The following SLC6A12 variants were observed in gnomAD, a reference collection of about 807,000 sequenced individuals.
SLC6A12 encodes the protein solute carrier family 6 member 12.
In SLC6A12, 50 loss-of-function variants were observed where a neutral mutation model predicts 73.3. The ratio of observed to expected loss-of-function variants is 0.68; its 90% CI spans 0.54 to 0.86. The LOEUF (loss-of-function observed/expected upper bound fraction) is 0.86, where lower values mean the gene tolerates loss of function less well. Ranked by LOEUF, SLC6A12 falls within the 40% of genes least tolerant of loss-of-function variation. The pLI is 0.00. For synonymous variants in SLC6A12, 304 were observed against 309.2 expected, an observed-to-expected ratio of 0.98 and a Z score of 0.18; for missense variants, 648 against 772.8, an observed-to-expected ratio of 0.84 and a Z score of 1.92.
chr12:201,043 T>C (rs562639358), intron 6 of SLC6A12, among the ~76,000 whole-genome samples: 2 of 152,360 alleles, frequency 1.3e-5, no homozygotes, highest in Admixed American at 1.3e-4. Flanking sequence ...AGATGAGGAA[T>C]GTATAAATGA....
chr12:187,211 A>G (rs984470099), downstream of SLC6A12, among the ~76,000 whole-genome samples: 1 of 152,150 alleles, frequency 6.6e-6, no homozygotes, highest in African/African-American at 2.4e-5. Context: ...AAAGGAAACG[A>G]GATGAAAGTG....
At position 201,863 on chromosome 12, in the gene SLC6A12, G is replaced by A; in HGVS notation, c.491-14C>T. 6.2e-7 allele frequency: 1 copy of A among 1,610,046 alleles called. No individual in the cohort carries two copies. The highest frequency in any genetic ancestry group is 8.5e-7 in the Non-Finnish European group (1 of 1,176,330). On this transcript the variant is annotated splice_polypyrimidine_tract_variant and intron_variant, in intron 5 of 15. Coordinates refer to ENST00000684302, the MANE Select transcript of SLC6A12 (RefSeq NM_001122848.3). ...CCGTGCAATGCTCTGTTGGGGACAAGGTTAGGGACAAGATGGAGAGAGATG... is the reference window on the plus strand; with the variant it reads ...CCGTGCAATGCTCTGTTGGGGACAAAGTTAGGGACAAGATGGAGAGAGATG...
intron 12 of SLC6A12, 133 bp from the exon 13 acceptor site, chr12:195,460 A>G (rs775254882): frequency 4.6e-6 from 3 of 656,864 alleles, no homozygotes; most frequent in Non-Finnish European, 8.3e-6. Context: ...TTGCATCTCA[A>G]AGGAGTTTGC....
intron 3 of SLC6A12, chr12:204,966 T>C: frequency 2.5e-6 from 1 of 403,980 alleles, no homozygotes; most frequent in East Asian, 4.0e-5. Flanking sequence ...TTCTAATATA[T>C]GCACTATTTA....
At chr12:183,919 A>G in the SLC6A12 span, among the ~76,000 whole-genome samples, 1 of 152,160 alleles carries the variant, frequency 6.6e-6, no homozygotes, top group East Asian at 1.9e-4. Context: ...TTCAGAAAAG[A>G]GAAACAGAAC....
At chr12:187,144 G>A (rs79516584), downstream of SLC6A12, among the ~76,000 whole-genome samples, 1,873 of 152,204 alleles carry the variant, frequency 0.012, 18 homozygotes, top group Middle Eastern at 0.02. Context: ...ATGCCACACT[G>A]GCCAAATTGT....
Position 200,641 on chromosome 12 carries a change from G to A in SLC6A12, c.711+10C>T. 1 of 1,613,492 alleles carries A rather than the reference G, an allele frequency of 6.2e-7. No homozygotes were observed. Among genetic ancestry groups the A allele is most frequent in the African/African-American group, 1.3e-5 (1 of 75,010 alleles). On this transcript the variant is annotated intron_variant, in intron 7 of 15. Transcript: ENST00000684302. Reference sequence around the variant, plus strand: ...CCAAAGGGAGCTTCCCAGGAGGCAGGACATCTCACCTTGCCTGTGGACTTG... The same window carrying A: ...CCAAAGGGAGCTTCCCAGGAGGCAGAACATCTCACCTTGCCTGTGGACTTG...
intron 2 of SLC6A12, among the ~76,000 whole-genome samples, chr12:211,602 A>G (rs574804998): frequency 6.6e-6 from 1 of 152,286 alleles, no homozygotes; most frequent in Non-Finnish European, 1.5e-5. Context: ...GGGATGAAAA[A>G]ATGGGGAGTT....
At chr12:187,020 T>C (rs1192310874), downstream of SLC6A12, among the ~76,000 whole-genome samples, 2 of 152,284 alleles carry the variant, frequency 1.3e-5, no homozygotes, top group East Asian at 3.9e-4. Flanking sequence ...GGGCACAGAT[T>C]ATGAATTCAA....
At chr12:201,395 T>G in intron 6 of SLC6A12, 1 of 245,084 alleles carries the variant, frequency 4.1e-6, no homozygotes, top group Non-Finnish European at 8.0e-6. Flanking sequence ...CTTGGGCAAT[T>G]TCAAGCTACT....
At chr12:187,632 C>CA (rs766643317), downstream of SLC6A12, among the ~76,000 whole-genome samples, 78 of 96,380 alleles carry the variant, frequency 8.1e-4, 2 homozygotes, top group African/African-American at 3.3e-3. Flanking sequence ...AAAAAAAAAA[C>CA]AAACCACACA....
At chr12:209,586 T>C in intron 3 of SLC6A12, 187 bp downstream of exon 3, 3 of 632,010 alleles carry the variant, frequency 4.7e-6, no homozygotes, top group Non-Finnish European at 5.6e-6. Context: ...CTGGGAGGTA[T>C]TGTCCCCATT....
At position 192,682 on chromosome 12, in the gene SLC6A12, AG is replaced by A. The variant is rs766519638; in HGVS notation, c.1531-35del. ...AGGAAGGGGCAGCCATGGGTAAGAT[AG>A]GGGGCGACTGAAACCCTCTCCGCAG... On this transcript the variant is annotated intron_variant, in intron 14 of 15. Coordinates refer to ENST00000684302, the MANE Select transcript of SLC6A12 (RefSeq NM_001122848.3). The A allele has an allele frequency of 5.6e-6, 9 of 1,605,570 alleles. No homozygotes were observed. In the Admixed American group the frequency reaches 6.7e-5, roughly 12 times the overall value.
At chr12:192,383 G>T in intron 15 of SLC6A12, 95 bp downstream of exon 15, 1 of 1,096,056 alleles carries the variant, frequency 9.1e-7, no homozygotes, top group Non-Finnish European at 1.4e-6. Context: ...CTCAGAGTTT[G>T]TGTCTGCTCC....
chr12:201,510 C>T (rs1940262140), intron 6 of SLC6A12: 2 of 489,224 alleles, frequency 4.1e-6, no homozygotes, highest in South Asian at 2.1e-5. Context: ...TGTGGGCAGA[C>T]ACACGCATGG....
chr12:202,691 C>A (rs975599413), intron 5 of SLC6A12, 49 bp downstream of exon 5: 4 of 1,583,572 alleles, frequency 2.5e-6, no homozygotes, highest in Non-Finnish European at 3.4e-6. Context: ...CCAGCCACCG[C>A]AGCCCAGCCC....
downstream of SLC6A12, among the ~76,000 whole-genome samples, chr12:185,776 G>A (rs1024251252): frequency 2.6e-5 from 4 of 152,200 alleles, no homozygotes; most frequent in Admixed American, 6.5e-5. Context: ...AGCAGAGAGC[G>A]CTGGAGTGCG....
Position 196,126 on chromosome 12 carries a change from C to G in SLC6A12, c.1324G>C (p.Glu442Gln), listed in dbSNP as rs1291466688. 1.3e-6 allele frequency: 2 copies of G among 1,557,140 alleles called. No homozygotes were observed. Among genetic ancestry groups the G allele is most frequent in the Non-Finnish European group, 1.7e-6 (2 of 1,150,182 alleles). The change falls in exon 12 of 16, where the codon GAG (glutamate) becomes CAG (glutamine). Residue 442 changes from glutamate (E) to glutamine (Q), a missense_variant and splice_region_variant. Physicochemically the swap from Glu to Gln is conservative, Grantham distance 29. Coordinates refer to ENST00000684302, the MANE Select transcript of SLC6A12 (RefSeq NM_001122848.3). Reference protein sequence around the residue: ...CYLIGLFLVTEGGMYIFQLFD... With the variant: ...CYLIGLFLVTQGGMYIFQLFD... Reference sequence around the variant, plus strand: ...GCAGGCCGGCGGCCGCAGCTCACCTCGGTGACCAGGAAAAGCCCTATCAGG... The same window carrying G: ...GCAGGCCGGCGGCCGCAGCTCACCTGGGTGACCAGGAAAAGCCCTATCAGG...
chr12:204,450 G>A (rs1257639590), intron 4 of SLC6A12, 114 bp downstream of exon 4: 1 of 1,056,968 alleles, frequency 9.5e-7, no homozygotes, highest in Non-Finnish European at 1.4e-6. Flanking sequence ...CTTGGCGCAG[G>A]ATATGGGAGT....
Sources: allele counts gnomAD v4.1 joint callset (sites outside exome capture counted in the v4.1 genomes callset), GRCh38; gene constraint gnomAD v4.1.1; transcripts MANE v1.5; gene names NCBI Gene and HGNC (gene_info 2026-07-23, HGNC 2026-07-21).